RABGAP1L: variants seen among roughly 807,000 people sequenced by gnomAD.
The protein encoded by RABGAP1L is rab GTPase-activating protein 1-like.
A neutral mutation model predicts 137.7 loss-of-function variants in RABGAP1L; 63 were observed. That is an observed-to-expected ratio of 0.46 (90% CI 0.37 to 0.56). RABGAP1L has a LOEUF of 0.56. Ranked by LOEUF, RABGAP1L falls within the 20% of genes least tolerant of loss-of-function variation. The probability of loss-of-function intolerance (pLI) is 0.00; values close to 1 mark genes in which losing one functional copy is unlikely to be tolerated. For missense variants in RABGAP1L, 1,095 were observed against 1,244.0 expected (o/e 0.88, Z 1.80); for synonymous variants, 431 against 433.7 (o/e 0.99, Z 0.08).
intron 11 of RABGAP1L, among the ~76,000 whole-genome samples, chr1:174,339,612 A>ATT (rs200221267): frequency 0.074 from 10,988 of 148,436 alleles, 596 homozygotes; most frequent in East Asian, 0.32. Context: ...ATTTTATCTA[A>ATT]TTTTTTTTTT....
intron 19 of RABGAP1L, among the ~76,000 whole-genome samples, chr1:174,864,485 A>C (rs1302908515): frequency 6.6e-6 from 1 of 152,210 alleles, no homozygotes; most frequent in Non-Finnish European, 1.5e-5. Context: ...CAGAAGGGGA[A>C]GCAAACATGT....
intron 17 of RABGAP1L, among the ~76,000 whole-genome samples, chr1:174,748,954 A>G (rs1236196110): frequency 6.6e-6 from 1 of 152,042 alleles, no homozygotes; most frequent in Non-Finnish European, 1.5e-5. Context: ...AGACGGGCAG[A>G]TCACTTGAGG....
intron 17 of RABGAP1L, among the ~76,000 whole-genome samples, chr1:174,743,513 C>G (rs1683618555): frequency 6.6e-6 from 1 of 152,116 alleles, no homozygotes; most frequent in Non-Finnish European, 1.5e-5. Flanking sequence ...TGCCTTGTTT[C>G]TGAAAGTTTT....
chr1:174,422,945 C>CAAAAA (rs202100563), intron 13 of RABGAP1L, among the ~76,000 whole-genome samples: 1 of 79,638 alleles, frequency 1.3e-5, no homozygotes, highest in Non-Finnish European at 2.6e-5. Flanking sequence ...AGATTCTGTC[C>CAAAAA]AAAAAAAAAA....
At chr1:174,383,532 G>C (rs182289782) in intron 12 of RABGAP1L, among the ~76,000 whole-genome samples, 393 of 152,282 alleles carry the variant, frequency 2.6e-3, no homozygotes, top group Middle Eastern at 6.8e-3. Flanking sequence ...GGCAATATTC[G>C]GGTGGGAGTG....
At chr1:174,298,700 A>C (rs1168019194) in intron 10 of RABGAP1L, among the ~76,000 whole-genome samples, 1 of 152,206 alleles carries the variant, frequency 6.6e-6, no homozygotes, top group Non-Finnish European at 1.5e-5. Flanking sequence ...GTCTTGTGAC[A>C]CACCCAGATA....
intron 19 of RABGAP1L, among the ~76,000 whole-genome samples, chr1:174,889,338 G>A (rs1189454824): frequency 6.6e-6 from 1 of 152,006 alleles, no homozygotes; most frequent in Non-Finnish European, 1.5e-5. Flanking sequence ...TGGGCAGGCT[G>A]GTCTCGAACT....
At chr1:174,469,234 A>G (rs967099548) in intron 13 of RABGAP1L, among the ~76,000 whole-genome samples, 27 of 152,186 alleles carry the variant, frequency 1.8e-4, no homozygotes, top group Admixed American at 1.4e-3. Context: ...ATATAATTGT[A>G]TATGAATATA....
intron 7 of RABGAP1L, among the ~76,000 whole-genome samples, chr1:174,270,760 AT>A (rs1349339127): frequency 6.6e-6 from 1 of 152,080 alleles, no homozygotes; most frequent in African/African-American, 2.4e-5. Flanking sequence ...ATACTTTGGT[AT>A]TTGTTAACTT....
chr1:174,723,931 AT>A (rs1681786422), intron 17 of RABGAP1L, among the ~76,000 whole-genome samples: 1 of 152,244 alleles, frequency 6.6e-6, no homozygotes, highest in Non-Finnish European at 1.5e-5. Flanking sequence ...GAGAAAAGTA[AT>A]TCTGAGAGAG....
chr1:174,623,768 A>T (rs556273966), intron 13 of RABGAP1L, among the ~76,000 whole-genome samples: 65 of 152,272 alleles, frequency 4.3e-4, no homozygotes, highest in Non-Finnish European at 7.1e-4. Context: ...AGTCTTAGTC[A>T]TAAATAACAT....
chr1:174,620,961 C>A (rs374873412), intron 13 of RABGAP1L, among the ~76,000 whole-genome samples: 11 of 151,984 alleles, frequency 7.2e-5, no homozygotes, highest in Admixed American at 3.3e-4. Context: ...ATATCACCAC[C>A]GATCCCACAG....
chr1:174,839,349 A>T (rs965142919), intron 19 of RABGAP1L, among the ~76,000 whole-genome samples: 1 of 152,166 alleles, frequency 6.6e-6, no homozygotes, highest in Non-Finnish European at 1.5e-5. Flanking sequence ...ACATCCACAC[A>T]CAGATACTTG....
intron 13 of RABGAP1L, among the ~76,000 whole-genome samples, chr1:174,531,342 G>T (rs1325986116): frequency 2.0e-5 from 3 of 152,028 alleles, no homozygotes; most frequent in African/African-American, 7.2e-5. Context: ...TGCTTATTGT[G>T]TATTATAAAC....
chr1:174,387,546 CT>C (rs5778801), intron 12 of RABGAP1L, among the ~76,000 whole-genome samples: 31,077 of 144,746 alleles, frequency 0.21, 3,449 homozygotes, highest in Admixed American at 0.25. Context: ...TTGGGTTTTT[CT>C]TTTTTTTTTT....
intron 10 of RABGAP1L, among the ~76,000 whole-genome samples, chr1:174,293,025 TGAATC>T (rs1029552181): frequency 1.6e-4 from 24 of 152,288 alleles, no homozygotes; most frequent in Admixed American, 3.9e-4. Context: ...GACCAGGAAT[TGAATC>T]TAAGCAGTTT....
At chr1:174,702,315 GTTACAGT>G in intron 17 of RABGAP1L, 59 bp downstream of exon 17, 1 of 1,425,176 alleles carries the variant, frequency 7.0e-7, no homozygotes, top group Non-Finnish European at 9.4e-7. Flanking sequence ...ACTAAAAATG[GTTACAGT>G]TTTCTTCCTT....
chr1:174,603,591 T>G (rs1410897359), intron 13 of RABGAP1L, among the ~76,000 whole-genome samples: 1 of 152,124 alleles, frequency 6.6e-6, no homozygotes, highest in African/African-American at 2.4e-5. Context: ...GACAAAGTCT[T>G]TCCCACTCTT....
rs555320234 is a variant in RABGAP1L, at chr1:174,583,441, A to G, written c.1711-53934A>G. On this transcript the variant is annotated intron_variant, in intron 13 of 25. Transcript: ENST00000681986. ...AACTTTTTTTACCCTCCCCATACAT[A>G]TATGTATGTTTGCCTGTGAGTCAGA... Among the ~76,000 whole-genome samples, 124 of 152,156 alleles carry G rather than the reference A, an allele frequency of 8.1e-4. 1 individual carries two copies. The highest frequency in any genetic ancestry group is 1.4e-3 in the Non-Finnish European group (97 of 67,998).
Sources: gnomAD v4.1 joint callset for allele counts (sites outside exome capture counted in the v4.1 genomes callset) on GRCh38, gnomAD v4.1.1 for gene constraint, MANE v1.5 for transcripts, NCBI Gene and HGNC (gene_info 2026-07-23, HGNC 2026-07-21) for gene names.